LRRC7: variants seen among roughly 807,000 people sequenced by gnomAD.
LRRC7 encodes leucine-rich repeat-containing protein 7.
In LRRC7, 23 loss-of-function variants were observed where a neutral mutation model predicts 175.7. The observed-to-expected ratio is 0.13, with a 90% CI of 0.09 to 0.19. The LOEUF is 0.19. Among genes scored for constraint, LRRC7 ranks in the 10% least tolerant of loss-of-function variants. The probability of loss-of-function intolerance (pLI) is 1.00; values close to 1 mark genes in which losing one functional copy is unlikely to be tolerated. For synonymous variants in LRRC7, 685 were observed against 680.9 expected, an observed-to-expected ratio of 1.01 and a Z score of -0.09; for missense variants, 1,354 against 1,904.7, an observed-to-expected ratio of 0.71 and a Z score of 5.38.
intron 22 of LRRC7, among the ~76,000 whole-genome samples, chr1:70,052,242 G>T (rs184422771): frequency 4.4e-4 from 67 of 152,116 alleles, no homozygotes; most frequent in African/African-American, 1.5e-3. Context: ...GTATGTGATT[G>T]CTTGCTATTA....
At chr1:70,095,876 A>C (rs1366899853) in intron 25 of LRRC7, among the ~76,000 whole-genome samples, 5 of 152,242 alleles carry the variant, frequency 3.3e-5, no homozygotes, top group Non-Finnish European at 5.9e-5. Context: ...ACTAAAAAGA[A>C]TAACCAATAA....
chr1:69,744,638 T>C (rs1669064642), intron 2 of LRRC7, among the ~76,000 whole-genome samples: 1 of 151,878 alleles, frequency 6.6e-6, no homozygotes, highest in Admixed American at 6.6e-5. Context: ...TTTAAATTGC[T>C]AAGGAATTAT....
intron 20 of LRRC7, 82 bp downstream of exon 20, chr1:70,036,706 A>G: frequency 2.1e-6 from 3 of 1,432,684 alleles, no homozygotes; most frequent in South Asian, 2.7e-5. Context: ...TTAATTTTGG[A>G]ATTGTATTCG....
rs989450478 is a variant in LRRC7 at position 70,129,934 on chromosome 1, T to G, written c.*8047T>G. On this transcript the variant is annotated 3_prime_UTR_variant, in exon 27 of 27. Coordinates refer to ENST00000651989, the MANE Select transcript of LRRC7 (RefSeq NM_001370785.2). The stretch of plus-strand genomic sequence containing the variant: ...TCCAAGTATTCGCTGTGTTTTATAT[T>G]TCAGCTTTTGCCCACACTATCCCTC... Among the ~76,000 whole-genome samples, 2 of 152,218 alleles carry G rather than the reference T, an allele frequency of 1.3e-5. No homozygotes were observed. Among genetic ancestry groups the G allele is most frequent in the African/African-American group, 2.4e-5 (1 of 41,456 alleles).
chr1:69,798,112 G>T (rs1676016980), intron 4 of LRRC7, among the ~76,000 whole-genome samples: 1 of 151,946 alleles, frequency 6.6e-6, no homozygotes, highest in South Asian at 2.1e-4. Flanking sequence ...AGTAGAGATG[G>T]GATTTCACCA....
chr1:69,824,839 T>G (rs1357529309), intron 4 of LRRC7, among the ~76,000 whole-genome samples: 3 of 152,138 alleles, frequency 2.0e-5, no homozygotes, highest in African/African-American at 7.2e-5. Context: ...TTGATAATAG[T>G]TTCAAAAATT....
intron 4 of LRRC7, among the ~76,000 whole-genome samples, chr1:69,815,752 T>C (rs752357246): frequency 1.9e-4 from 29 of 152,148 alleles, no homozygotes; most frequent in Admixed American, 3.3e-4. Flanking sequence ...AACATTTATT[T>C]CTCACAGTTC....
At chr1:70,103,207 C>G (rs376957058) in intron 25 of LRRC7, among the ~76,000 whole-genome samples, 1 of 149,598 alleles carries the variant, frequency 6.7e-6, no homozygotes, top group South Asian at 2.1e-4. Flanking sequence ...CCAGCCTGGG[C>G]GACAGAATGA....
chr1:69,600,832 A>C, intron 1 of LRRC7, among the ~76,000 whole-genome samples: 1 of 41,796 alleles, frequency 2.4e-5, no homozygotes, highest in Non-Finnish European at 4.4e-5. Context: ...TTTTTTTGAG[A>C]CAGAGTTTCT....
chr1:69,723,971 G>A (rs1311952733), intron 2 of LRRC7, among the ~76,000 whole-genome samples: 1 of 152,154 alleles, frequency 6.6e-6, no homozygotes, highest in African/African-American at 2.4e-5. Flanking sequence ...TTTTGGAGAT[G>A]AAAACATTCC....
intron 1 of LRRC7, among the ~76,000 whole-genome samples, chr1:69,633,371 T>A (rs1652812537): frequency 6.6e-6 from 1 of 152,098 alleles, no homozygotes. Flanking sequence ...ACTGTATCTG[T>A]CCAATTTAAG....
At chr1:69,741,253 G>C (rs1668677010) in intron 2 of LRRC7, among the ~76,000 whole-genome samples, 1 of 151,876 alleles carries the variant, frequency 6.6e-6, no homozygotes, top group Non-Finnish European at 1.5e-5. Context: ...TTTTAATATA[G>C]ATATGTTCAA....
chr1:69,928,565 T>C (rs1267416350), intron 7 of LRRC7, among the ~76,000 whole-genome samples: 2 of 152,196 alleles, frequency 1.3e-5, no homozygotes, highest in Non-Finnish European at 2.9e-5. Context: ...CTCAGACTGC[T>C]GTGCTAGCAA....
intron 7 of LRRC7, among the ~76,000 whole-genome samples, chr1:69,891,524 G>A (rs1645832433): frequency 6.6e-6 from 1 of 152,150 alleles, no homozygotes; most frequent in Non-Finnish European, 1.5e-5. Context: ...TTGAGGCCTG[G>A]AGTTCAAGAC....
rs888284671 is a variant in LRRC7 at position 69,913,466 on chromosome 1, CAAT to C, written c.648-18038_648-18036del. Among the ~76,000 whole-genome samples, 8 of 152,172 alleles carry C rather than the reference CAAT, an allele frequency of 5.3e-5. No homozygotes were observed. In the East Asian group the frequency reaches 1.2e-3, roughly 22 times the overall value. On this transcript the variant is annotated intron_variant, in intron 7 of 26. Coordinates refer to ENST00000651989, the MANE Select transcript of LRRC7 (RefSeq NM_001370785.2). ...TTTAATGTTTCCTGGTTTATAACAA[CAAT>C]AAGTTACATATTCTCATAATGAGGT...
chr1:69,778,324 GAC>G (rs969552685), intron 3 of LRRC7, among the ~76,000 whole-genome samples: 10 of 152,164 alleles, frequency 6.6e-5, no homozygotes, highest in Admixed American at 5.9e-4. Context: ...GGAGAAGAAA[GAC>G]ACTAATGTGT....
At chr1:69,919,906 C>G (rs1029345138) in intron 7 of LRRC7, 15 of 663,856 alleles carry the variant, frequency 2.3e-5, no homozygotes, top group African/African-American at 1.4e-4. Context: ...CCGAACCCCC[C>G]ACTCCCTGCC....
In LRRC7 at chr1:70,139,350, G is replaced by C. The variant is rs1399415285; in HGVS notation, c.*17463G>C. ...CTTCAGTAATGAACTCTAACAAATA[G>C]ATCCAGAAGTCATAAGTGAGAAAGA... is the stretch of plus-strand genomic sequence containing the variant. On this transcript the variant is annotated 3_prime_UTR_variant, in exon 27 of 27. Coordinates refer to ENST00000651989, the MANE Select transcript of LRRC7 (RefSeq NM_001370785.2). The C allele has an allele frequency of 6.6e-6, 1 of 152,126 alleles. No individual in the cohort carries two copies. The highest frequency in any genetic ancestry group is 1.9e-4 in the East Asian group (1 of 5,186). 9.4% of individuals were successfully genotyped at this position (152,126 alleles called of 1,614,324 possible).
At chr1:69,746,495 T>C (rs1669268440) in intron 2 of LRRC7, among the ~76,000 whole-genome samples, 1 of 152,158 alleles carries the variant, frequency 6.6e-6, no homozygotes. Context: ...TTTTTACCTG[T>C]ATCTGAAAAT....
Sources: allele counts gnomAD v4.1 joint callset (sites outside exome capture counted in the v4.1 genomes callset), GRCh38; gene constraint gnomAD v4.1.1; transcripts MANE v1.5; gene names NCBI Gene and HGNC (gene_info 2026-07-23, HGNC 2026-07-21).